Variants in ARHGAP44 observed in about 807,000 individuals in gnomAD.
ARHGAP44 encodes Rho GTPase activating protein 44, also known as rho GTPase-activating protein 44.
A neutral mutation model predicts 106.8 loss-of-function variants in ARHGAP44; 43 were observed. That is an observed-to-expected ratio of 0.40 (90% CI 0.32 to 0.52). The LOEUF (loss-of-function observed/expected upper bound fraction) is 0.52. Among genes scored for constraint, ARHGAP44 ranks in the 20% least tolerant of loss-of-function variants. The probability of loss-of-function intolerance (pLI) is 0.48; values close to 1 mark genes in which losing one functional copy is unlikely to be tolerated. For missense variants in ARHGAP44, 866 were observed against 1,050.5 expected, an observed-to-expected ratio of 0.82 and a Z score of 2.43; for synonymous variants, 439 against 410.3, an observed-to-expected ratio of 1.07 and a Z score of -0.85.
intron 7 of ARHGAP44, 165 bp downstream of exon 7, chr17:12,929,211 C>G: frequency 5.2e-6 from 3 of 572,444 alleles, no homozygotes; most frequent in Non-Finnish European, 6.2e-6. Flanking sequence ...AGGATGAACC[C>G]AAGGAGTTGG....
intron 4 of ARHGAP44, among the ~76,000 whole-genome samples, chr17:12,913,174 G>A (rs1598043228): frequency 6.6e-6 from 1 of 150,426 alleles, no homozygotes; most frequent in Non-Finnish European, 1.5e-5. Flanking sequence ...ATATATAACA[G>A]AAGAAAAAAA....
At chr17:12,960,355 C>T (rs1191843620) in intron 16 of ARHGAP44, among the ~76,000 whole-genome samples, 2 of 151,968 alleles carry the variant, frequency 1.3e-5, no homozygotes, top group Non-Finnish European at 2.9e-5. Flanking sequence ...ATCACAAGGT[C>T]AGGTGTTCGA....
At chr17:12,792,822 A>G (rs2150750423) in intron 1 of ARHGAP44, among the ~76,000 whole-genome samples, 1 of 152,300 alleles carries the variant, frequency 6.6e-6, no homozygotes, top group Middle Eastern at 3.4e-3. Context: ...CTGCTGGGTT[A>G]CTAGTACTTT....
chr17:12,931,687 G>A (rs1160463115), intron 7 of ARHGAP44, among the ~76,000 whole-genome samples: 1 of 151,838 alleles, frequency 6.6e-6, no homozygotes, highest in Admixed American at 6.6e-5. Context: ...TTTTAGTAGA[G>A]ACGGGGTTTC....
intron 18 of ARHGAP44, among the ~76,000 whole-genome samples, chr17:12,979,827 G>T (rs1046223686): frequency 6.6e-6 from 1 of 152,200 alleles, no homozygotes; most frequent in Non-Finnish European, 1.5e-5. Context: ...CATTGGCAGT[G>T]AGTGCCAAGT....
chr17:12,901,888 C>T (rs2037385159), intron 3 of ARHGAP44, among the ~76,000 whole-genome samples: 1 of 152,138 alleles, frequency 6.6e-6, no homozygotes, highest in South Asian at 2.1e-4. Context: ...TGTCAGTAAG[C>T]CCTGCTGACT....
rs561381541 is a variant in ARHGAP44, at chr17:12,956,691, A to G, written c.1287A>G (p.Gln429=). ...AGATGATGACCACAGTGTCGCTGCA[A>G]ATTGTTGGGATCATTGAACCTATCA... The part of the protein sequence containing the change: ...ITEMMTTVSL[Q]IVGIIEPIIQ... Residue 429 remains glutamine, a synonymous_variant, in exon 15 of 21, where the codon CAA becomes CAG. Transcript: ENST00000379672. The G allele has an allele frequency of 1.6e-4, 266 of 1,614,108 alleles. 2 individuals are homozygous for G. In the South Asian group the frequency reaches 2.7e-3, roughly 17 times the overall value.
chr17:12,921,543 C>G lies in ARHGAP44; in HGVS notation c.464+1712C>G, dbSNP rs191679727. ...TTTATTTTTAGTAGAGACAGGGTCT[C>G]ACTGTGTTGCGCAGGCTAGTTTCAG... On this transcript the variant is annotated intron_variant, in intron 6 of 20. Transcript: ENST00000379672. Among the ~76,000 whole-genome samples the G allele has an allele frequency of 5.9e-5, 9 of 152,230 alleles. No homozygotes were observed. The East Asian group carries it at 1.7e-3, about 29-fold the overall frequency.
intron 3 of ARHGAP44, among the ~76,000 whole-genome samples, chr17:12,899,587 A>G (rs1567675643): frequency 7.0e-6 from 1 of 143,008 alleles, no homozygotes; most frequent in African/African-American, 2.5e-5. Context: ...AAGAAATAAA[A>G]TGAAAAGGAT....
Position 12,949,099 on chromosome 17 carries a change from C to T in ARHGAP44, c.862-41C>T. 6.5e-7 allele frequency: 1 copy of T among 1,532,174 alleles called. No individual in the cohort carries two copies. The highest frequency in any genetic ancestry group is 8.8e-7 in the Non-Finnish European group (1 of 1,130,904). The allele number at this position is 1,532,174 out of a possible 1,614,324, so 94.9% of individuals were successfully genotyped here. A position where few individuals can be genotyped will look rare whatever the true frequency, so the allele number is the denominator to read the frequency against. On this transcript the variant is annotated intron_variant, in intron 10 of 20. Coordinates refer to ENST00000379672, the MANE Select transcript of ARHGAP44 (RefSeq NM_014859.6). The surrounding 1 kb of genome is among the most constrained non-coding windows in gnomAD (Gnocchi z 4.1). The stretch of plus-strand genomic sequence containing the variant: ...GGGGTCTCTGCGCTTTGATGTTGTA[C>T]CTTGGAGTTGCTGTGCGCTGACCCT...
chr17:12,936,368 AC>A (rs1272369086), intron 7 of ARHGAP44, among the ~76,000 whole-genome samples: 1 of 152,088 alleles, frequency 6.6e-6, no homozygotes, highest in Non-Finnish European at 1.5e-5. Flanking sequence ...CTCCCTGCTG[AC>A]CCTTGACAAC....
chr17:12,885,183 G>T (rs1292760641), intron 1 of ARHGAP44, among the ~76,000 whole-genome samples: 2 of 152,214 alleles, frequency 1.3e-5, no homozygotes, highest in Non-Finnish European at 2.9e-5. Flanking sequence ...ACAGGCGTGA[G>T]CCATCGCACC....
chr17:12,837,124 C>T (rs1044745205), intron 1 of ARHGAP44, among the ~76,000 whole-genome samples: 1 of 152,020 alleles, frequency 6.6e-6, no homozygotes, highest in Non-Finnish European at 1.5e-5. Flanking sequence ...AGAAAGATAA[C>T]TAGGAAACAC....
chr17:12,978,035 T>TA (rs757585682), intron 18 of ARHGAP44, among the ~76,000 whole-genome samples: 3,399 of 55,538 alleles, frequency 0.061, 455 homozygotes, highest in Middle Eastern at 0.14. Flanking sequence ...AGACTCCATC[T>TA]CAAAAAAAAA....
At position 12,953,021 on chromosome 17, in the gene ARHGAP44, G is replaced by A. The variant is rs990760042; in HGVS notation, c.1136+440G>A. Among the ~76,000 whole-genome samples the A allele has an allele frequency of 2.6e-5, 4 of 152,270 alleles. No homozygotes were observed. The East Asian group carries it at 7.7e-4, about 29-fold the overall frequency. On this transcript the variant is annotated intron_variant, in intron 13 of 20. Coordinates refer to ENST00000379672, the MANE Select transcript of ARHGAP44 (RefSeq NM_014859.6). ...ACCATTGGCTAATTCAGTTAAAGGA[G>A]CAAAGATGAATGCAAGCTATCTTAA...
chr17:12,873,916 AATAAATAAATAAACAAAT>A (rs1410293472), intron 1 of ARHGAP44, among the ~76,000 whole-genome samples: 81 of 15,702 alleles, frequency 5.2e-3, no homozygotes, highest in African/African-American at 6.1e-3. Context: ...AAAATAAATA[AATAAATAAATAAACAAAT>A]AAATAAATAA....
intron 1 of ARHGAP44, among the ~76,000 whole-genome samples, chr17:12,842,287 C>T (rs1381195940): frequency 1.3e-5 from 2 of 151,578 alleles, no homozygotes; most frequent in African/African-American, 4.8e-5. Flanking sequence ...TGTGGTGGCA[C>T]ACACCTGTAG....
chr17:12,931,152 A>G (rs963575915), intron 7 of ARHGAP44, among the ~76,000 whole-genome samples: 1 of 151,710 alleles, frequency 6.6e-6, no homozygotes, highest in African/African-American at 2.4e-5. Flanking sequence ...GCTCATTGCA[A>G]CCTCTGCCTC....
chr17:12,917,396 T>A (rs2037949999), intron 5 of ARHGAP44: 1 of 152,592 alleles, frequency 6.6e-6, no homozygotes, highest in Non-Finnish European at 1.5e-5. Flanking sequence ...GCCCCGAATA[T>A]GAGGTGGAAA....
Sources: gnomAD v4.1 joint callset for allele counts (sites outside exome capture counted in the v4.1 genomes callset) on GRCh38, gnomAD v4.1.1 for gene constraint, Gnocchi (gnomAD v3.1) non-coding constraint, MANE v1.5 for transcripts, NCBI Gene and HGNC (gene_info 2026-07-23, HGNC 2026-07-21) for gene names.